RYR1: variants seen among roughly 807,000 people sequenced by gnomAD.
RYR1 encodes central core disease of muscle.
In RYR1, 342 loss-of-function variants were observed where a neutral mutation model predicts 583.5. The ratio of observed to expected loss-of-function variants is 0.59; its 90% CI spans 0.54 to 0.64. The LOEUF (loss-of-function observed/expected upper bound fraction) is 0.64. Among genes scored for constraint, RYR1 ranks in the 30% least tolerant of loss-of-function variants. The probability of loss-of-function intolerance (pLI) is 0.00; values close to 1 mark genes in which losing one functional copy is unlikely to be tolerated. For synonymous variants in RYR1, 2,791 were observed against 2,822.5 expected, an observed-to-expected ratio of 0.99 and a Z score of 0.35; for missense variants, 6,032 against 6,917.2, an observed-to-expected ratio of 0.87 and a Z score of 4.54.
At chr19:38,457,350 C>A in intron 16 of RYR1, 147 bp from the exon 17 acceptor site, 1 of 1,116,012 alleles carries the variant, frequency 9.0e-7, no homozygotes. Context: ...CCTGACCTTC[C>A]ACTTTCACCA....
intron 1 of RYR1, among the ~76,000 whole-genome samples, chr19:38,434,488 T>A (rs1055288163): frequency 6.6e-6 from 1 of 152,090 alleles, no homozygotes; most frequent in Non-Finnish European, 1.5e-5. Context: ...TCTCTTTGGG[T>A]GTCTCCATGT....
Position 38,467,812 on chromosome 19 carries a change from C to T in RYR1, c.3381C>T (p.Arg1127=), listed in dbSNP as rs200780880. The change falls in exon 25 of 106, where the codon CGC becomes CGT. Residue 1127 remains arginine, a splice_region_variant and synonymous_variant. Coordinates refer to ENST00000359596, the MANE Select transcript of RYR1 (RefSeq NM_000540.3). The part of the protein sequence containing the change: ...DELAYVFNGH[R]GQRWHLGSEP... Reference sequence around the variant, plus strand: ...TGGCCTATGTCTTCAATGGGCACCGCGTGGGTACCTCCCTGGGCACCATTC... The same window carrying T: ...TGGCCTATGTCTTCAATGGGCACCGTGTGGGTACCTCCCTGGGCACCATTC... 219 of 1,613,826 alleles carry T rather than the reference C, an allele frequency of 1.4e-4. 1 individual carries two copies. The highest frequency in any genetic ancestry group is 6.7e-4 in the Middle Eastern group (4 of 5,984).
intron 79 of RYR1, 122 bp from the exon 80 acceptor site, chr19:38,535,019 G>C: frequency 4.6e-6 from 5 of 1,091,046 alleles, no homozygotes; most frequent in Non-Finnish European, 6.8e-6. Flanking sequence ...ACCCCTGCAT[G>C]CACACCTTGG....
chr19:38,538,331 T>C (rs542692239), intron 84 of RYR1, among the ~76,000 whole-genome samples: 6 of 152,196 alleles, frequency 3.9e-5, no homozygotes, highest in Admixed American at 3.3e-4. Context: ...ACCCATGAGA[T>C]GGAGGTTGCA....
chr19:38,466,465 A>T, intron 24 of RYR1, 67 bp downstream of exon 24: 2 of 1,294,924 alleles, frequency 1.5e-6, no homozygotes, highest in Non-Finnish European at 2.1e-6. Flanking sequence ...CCGATCCCTG[A>T]TCTCTGACCT....
At chr19:38,573,139 T>A in intron 95 of RYR1, 38 bp from the exon 96 acceptor site, 1 of 1,612,150 alleles carries the variant, frequency 6.2e-7, no homozygotes, top group Non-Finnish European at 8.5e-7. Context: ...CCAGCCAAGG[T>A]GCCTGACGCC....
At chr19:38,564,307 T>A in intron 90 of RYR1, among the ~76,000 whole-genome samples, 1 of 152,132 alleles carries the variant, frequency 6.6e-6, no homozygotes, top group Admixed American at 6.6e-5. Flanking sequence ...GCAGATCACT[T>A]GAGGCCAGGA....
chr19:38,479,393 T>C (rs770481882), intron 31 of RYR1, among the ~76,000 whole-genome samples: 3 of 152,216 alleles, frequency 2.0e-5, no homozygotes, highest in Non-Finnish European at 4.4e-5. Context: ...TTGTTGGTTA[T>C]GAAATTTTAT....
intron 64 of RYR1, 106 bp from the exon 65 acceptor site, chr19:38,515,981 C>A: frequency 7.4e-7 from 1 of 1,349,214 alleles, no homozygotes; most frequent in Non-Finnish European, 1.0e-6. Context: ...AATGGCAGCT[C>A]TGTCCCAAAG....
chr19:38,506,109 G>A (rs1343304398), intron 54 of RYR1, among the ~76,000 whole-genome samples, 163 bp downstream of exon 54: 1 of 151,658 alleles, frequency 6.6e-6, no homozygotes, highest in Non-Finnish European at 1.5e-5. Flanking sequence ...GAGGGCAGGG[G>A]TCTGAAGAAC....
Position 38,489,292 on chromosome 19 carries a change from A to T in RYR1, c.5663A>T (p.Asp1888Val), listed in dbSNP as rs762602512. 19 of 1,605,282 alleles carry T rather than the reference A, an allele frequency of 1.2e-5. No individual in the cohort carries two copies. Among genetic ancestry groups the T allele is most frequent in the Non-Finnish European group, 1.6e-5 (19 of 1,172,274 alleles). Residue 1888 changes from aspartate (D) to valine (V), a missense_variant, in exon 35 of 106, where the codon GAT becomes GTT. By Grantham distance (152) the Asp-to-Val change is radical (BLOSUM62 -3). Around this residue, in one of 11 missense-constraint regions of RYR1, gnomAD observed 2,627 missense variants for 2,961.3 expected, o/e 0.89. Transcript: ENST00000359596. Reference sequence around the variant, plus strand: ...GAGGAGGAAGAGGGTGAAGAGGAAGATGAGGAGGAGAAGGAGGAGGATGAG... The same window carrying T: ...GAGGAGGAAGAGGGTGAAGAGGAAGTTGAGGAGGAGAAGGAGGAGGATGAG... ...EDEEEEGEEE[D>V]EEEKEEDEEE...
At chr19:38,475,548 C>T in intron 29 of RYR1, 98 bp downstream of exon 29, 1 of 1,472,494 alleles carries the variant, frequency 6.8e-7, no homozygotes, top group South Asian at 1.2e-5. Flanking sequence ...AGCTGCCCAC[C>T]TTACACTGGG....
At position 38,534,718 on chromosome 19, in the gene RYR1, A is replaced by G; in HGVS notation, c.11260-2A>G. 6.2e-7 allele frequency: 1 copy of G among 1,613,650 alleles called. No homozygotes were observed. The highest frequency in any genetic ancestry group is 8.5e-7 in the Non-Finnish European group (1 of 1,179,850). On this transcript the variant is annotated splice_acceptor_variant, in intron 78 of 105. Transcript: ENST00000359596. LOFTEE classifies it high-confidence loss of function. ...CCTTCATGTGTCTGCCTCCCTTCCC[A>G]GGAGAAACAGATGGAGAAGCAGAGG...
At position 38,464,870 on chromosome 19, in the gene RYR1, G is replaced by A. The variant is rs531032196; in HGVS notation, c.2870+148G>A. On this transcript the variant is annotated intron_variant, in intron 23 of 105. Coordinates refer to ENST00000359596, the MANE Select transcript of RYR1 (RefSeq NM_000540.3). ...TTAGGGTGAAGGTCATAGGGTCAGG[G>A]CTCTGGGGTCAGAGGTGAATGTCCA... 3 of 686,848 alleles carry A rather than the reference G, an allele frequency of 4.4e-6. No homozygotes were observed. In the South Asian group the frequency reaches 4.9e-5, roughly 11 times the overall value. The allele number at this position is 686,848 out of a possible 1,614,324, so 42.5% of individuals were successfully genotyped here.
At chr19:38,558,285 T>TGTAG (rs1972967497) in intron 89 of RYR1, among the ~76,000 whole-genome samples, 1 of 152,144 alleles carries the variant, frequency 6.6e-6, no homozygotes, top group Non-Finnish European at 1.5e-5. Context: ...CACTCCAGCC[T>TGTAG]AGGTAGTAGA....
rs1223083728 is a variant in RYR1 at position 38,500,389 on chromosome 19, A to G, written c.7324-217A>G. Among the ~76,000 whole-genome samples the G allele has an allele frequency of 1.1e-5, 1 of 86,966 alleles. No homozygotes were observed. The highest frequency in any genetic ancestry group is 2.2e-5 in the Non-Finnish European group (1 of 45,734). The allele number at this position is 86,966 out of a possible 152,430, so 57.1% of individuals were successfully genotyped here. On this transcript the variant is annotated intron_variant, in intron 45 of 105. Coordinates refer to ENST00000359596, the MANE Select transcript of RYR1 (RefSeq NM_000540.3). The surrounding 1 kb of genome is among the most constrained non-coding windows in gnomAD (Gnocchi z 5.9). ...GGTCGGGGCCAGGATGAGGGGTCGC[A>G]GGGAGAGGGGTCAGGATGAGGTTGG...
chr19:38,465,911 C>G (rs1968073690), intron 23 of RYR1, among the ~76,000 whole-genome samples, 180 bp from the exon 24 acceptor site: 1 of 152,180 alleles, frequency 6.6e-6, no homozygotes, highest in Non-Finnish European at 1.5e-5. Flanking sequence ...TCCCAGGATC[C>G]TAGGGTCAGA....
At chr19:38,510,967 G>A (rs763307513) in intron 60 of RYR1, among the ~76,000 whole-genome samples, 186 bp downstream of exon 60, 2 of 152,162 alleles carry the variant, frequency 1.3e-5, no homozygotes, top group African/African-American at 4.8e-5. Context: ...GGGACTCTCA[G>A]GCAACTTGGG....
intron 9 of RYR1, among the ~76,000 whole-genome samples, 162 bp downstream of exon 9, chr19:38,446,930 G>A (rs1284783427): frequency 6.6e-6 from 1 of 152,064 alleles, no homozygotes; most frequent in South Asian, 2.1e-4. Flanking sequence ...GGCCAGGCGT[G>A]GTGACTTCAT....
Sources: gnomAD v4.1 joint callset for allele counts (sites outside exome capture counted in the v4.1 genomes callset) on GRCh38, gnomAD v4.1.1 for gene constraint, gnomAD v4.1.1 regional missense constraint, Gnocchi (gnomAD v3.1) non-coding constraint, MANE v1.5 for transcripts, NCBI Gene and HGNC (gene_info 2026-07-23, HGNC 2026-07-21) for gene names.